Variants in PRKCZ observed in about 807,000 individuals in gnomAD.
PRKCZ encodes protein kinase C zeta type.
Under a neutral mutation model 79.5 loss-of-function variants are expected in PRKCZ, and 33 were observed. The ratio of observed to expected loss-of-function variants is 0.41; its 90% CI spans 0.31 to 0.55. The LOEUF (loss-of-function observed/expected upper bound fraction) is 0.55, where lower values mean the gene tolerates loss of function less well. PRKCZ is among the 20% of genes least tolerant of loss of function. PRKCZ has a pLI of 0.19. For synonymous variants in PRKCZ, 342 were observed against 320.9 expected (o/e 1.07, Z -0.70); for missense variants, 578 against 813.5 (o/e 0.71, Z 3.52).
chr1:2,118,185 CAG>C (rs1671130766), intron 4 of PRKCZ, among the ~76,000 whole-genome samples: 1 of 150,656 alleles, frequency 6.6e-6, no homozygotes, highest in African/African-American at 2.4e-5. Context: ...TTAGTAGAGA[CAG>C]GGTTTCACCA....
chr1:2,172,022 G>GC lies in PRKCZ; in HGVS notation c.1062-32dup, dbSNP rs1194609170. 1 of 1,571,644 alleles carries GC rather than the reference G, an allele frequency of 6.4e-7. No homozygotes were observed. The highest frequency in any genetic ancestry group is 1.2e-5 in the South Asian group (1 of 83,796). ...GCTGTTGGCGCAGCCTCTGGCACAG[G>GC]CACTGCCCCCATGACGGCATCCCCA... On this transcript the variant is annotated intron_variant, in intron 11 of 17. Coordinates refer to ENST00000378567, the MANE Select transcript of PRKCZ (RefSeq NM_002744.6). This position sits in a 1 kb window ranked among gnomAD's most constrained non-coding sequence, Gnocchi z 7.8.
intron 4 of PRKCZ, among the ~76,000 whole-genome samples, chr1:2,100,475 C>A (rs1667251254): frequency 6.6e-6 from 1 of 152,224 alleles, no homozygotes; most frequent in Non-Finnish European, 1.5e-5. Context: ...ATGCTGTGTC[C>A]TCTCCCCGGA....
intron 4 of PRKCZ, among the ~76,000 whole-genome samples, chr1:2,123,240 C>T (rs1403782459): frequency 8.4e-4 from 1 of 1,196 alleles, no homozygotes. Flanking sequence ...AGGGTCGTGG[C>T]GGTGGTTAGG....
Position 2,165,717 on chromosome 1 carries a change from C to T in PRKCZ, c.975-3801C>T, listed in dbSNP as rs886671405. Among the ~76,000 whole-genome samples the T allele has an allele frequency of 6.6e-6, 1 of 152,186 alleles. No homozygotes were observed. The highest frequency in any genetic ancestry group is 6.5e-5 in the Admixed American group (1 of 15,274). ...TCTGTACACACATGGTGGTGGCCCG[C>T]CCGGACCCATCTGGTTAATTCTTGA... On this transcript the variant is annotated intron_variant, in intron 10 of 17. Transcript: ENST00000378567. This position sits in a 1 kb window ranked among gnomAD's most constrained non-coding sequence, Gnocchi z 4.1.
chr1:2,050,689 C>G lies in PRKCZ; in HGVS notation c.59C>G (p.Ala20Gly). 1 of 1,226,130 alleles carries G rather than the reference C, an allele frequency of 8.2e-7. No individual in the cohort carries two copies. The highest frequency in any genetic ancestry group is 1.0e-6 in the Non-Finnish European group (1 of 983,856). 76.0% of individuals were successfully genotyped at this position (1,226,130 alleles called of 1,614,324 possible). A position where few individuals can be genotyped will look rare whatever the true frequency, so the allele number is the denominator to read the frequency against. ...AGCGGCGGCCGCGTCCGCCTCAAGG[C>G]GCATTACGGGGGGTGAGCGGCGGAG... ...EGSGGRVRLK[A>G]HYGGDIFITS... Residue 20 changes from alanine (A) to glycine (G), a missense_variant, in exon 1 of 18, where the codon GCG becomes GGG. By Grantham distance (60) the Ala-to-Gly change is moderately conservative. Around this residue, in one of 4 missense-constraint regions of PRKCZ, gnomAD observed 228 missense variants for 211.6 expected, o/e 1.08. Coordinates refer to ENST00000378567, the MANE Select transcript of PRKCZ (RefSeq NM_002744.6).
chr1:2,102,152 G>C (rs1667544931), intron 4 of PRKCZ, among the ~76,000 whole-genome samples: 2 of 152,156 alleles, frequency 1.3e-5, no homozygotes. Flanking sequence ...CCACATGCCA[G>C]AGCGGGTAGG....
intron 4 of PRKCZ, among the ~76,000 whole-genome samples, chr1:2,102,285 T>C (rs1467563322): frequency 6.6e-6 from 1 of 151,794 alleles, no homozygotes; most frequent in Non-Finnish European, 1.5e-5. Context: ...GTGTGGGCTT[T>C]GTGAAGCCTA....
chr1:2,175,966 A>C (rs548809901), intron 16 of PRKCZ, among the ~76,000 whole-genome samples: 50 of 152,174 alleles, frequency 3.3e-4, no homozygotes, highest in Admixed American at 3.3e-3. Flanking sequence ...CTTTGGTTTC[A>C]TGGCCGGTTT....
In PRKCZ at chr1:2,185,259, G is replaced by C. The variant is rs1687409488; in HGVS notation, c.*250G>C. ...GCCTGCGTCGCGGCGGATCCGCGGG[G>C]ACCCTGCCGAGGGGGCTGTCATGCG... On this transcript the variant is annotated 3_prime_UTR_variant, in exon 18 of 18. Coordinates refer to ENST00000378567, the MANE Select transcript of PRKCZ (RefSeq NM_002744.6). 1.4e-6 allele frequency: 1 copy of C among 714,836 alleles called. No individual in the cohort carries two copies. The highest frequency in any genetic ancestry group is 2.6e-6 in the Non-Finnish European group (1 of 383,272). 44.3% of individuals were successfully genotyped at this position (714,836 alleles called of 1,614,324 possible).
intron 4 of PRKCZ, among the ~76,000 whole-genome samples, chr1:2,062,482 CTTTTTTT>C (rs61178553): frequency 4.5e-5 from 6 of 133,978 alleles, no homozygotes; most frequent in African/African-American, 1.6e-4. Context: ...GCCATCTTAA[CTTTTTTT>C]TTTTTTTTTT....
At chr1:2,048,655 TAGG>T (rs1557458672), upstream of PRKCZ, among the ~76,000 whole-genome samples, 1 of 151,878 alleles carries the variant, frequency 6.6e-6, no homozygotes, top group African/African-American at 2.4e-5. Context: ...AGAGGCTCAT[TAGG>T]AGGATGCCTG....
intron 4 of PRKCZ, among the ~76,000 whole-genome samples, chr1:2,109,621 G>T (rs1432103846): frequency 1.3e-5 from 2 of 152,228 alleles, no homozygotes; most frequent in Admixed American, 1.3e-4. Context: ...ATAGGACATG[G>T]AGAGTCCCGG....
At chr1:2,154,857 G>A (rs1454009743) in intron 9 of PRKCZ, among the ~76,000 whole-genome samples, 1 of 152,222 alleles carries the variant, frequency 6.6e-6, no homozygotes, top group Non-Finnish European at 1.5e-5. Flanking sequence ...GCATGAATTG[G>A]GAGGGTGACA....
intron 16 of PRKCZ, among the ~76,000 whole-genome samples, chr1:2,180,165 G>C (rs1406517781): frequency 6.6e-6 from 1 of 152,210 alleles, no homozygotes; most frequent in African/African-American, 2.4e-5. Flanking sequence ...GCAGTGCCCT[G>C]GCCTGGCCAC....
At chr1:2,062,250 C>T (rs892027361) in intron 4 of PRKCZ, among the ~76,000 whole-genome samples, 4 of 152,250 alleles carry the variant, frequency 2.6e-5, no homozygotes, top group South Asian at 2.1e-4. Flanking sequence ...TGCCCGTCAT[C>T]GGTCACTCCC....
intron 1 of PRKCZ, 83 bp downstream of exon 1, chr1:2,050,784 AG>A: frequency 1.1e-6 from 1 of 916,282 alleles, no homozygotes; most frequent in Non-Finnish European, 1.4e-6. Flanking sequence ...CCTGCGCGAG[AG>A]GGAGAGAGGG....
chr1:2,091,746 C>A (rs888252677), intron 4 of PRKCZ, among the ~76,000 whole-genome samples: 3 of 152,144 alleles, frequency 2.0e-5, no homozygotes, highest in Non-Finnish European at 4.4e-5. Flanking sequence ...TTGACCTGCA[C>A]GCACCGTGTG....
Position 2,128,665 on chromosome 1 carries a change from GTGGCAGGA to G in PRKCZ, c.335-6593_335-6586del, listed in dbSNP as rs1228090298. Among the ~76,000 whole-genome samples the G allele has an allele frequency of 6.6e-6, 1 of 152,162 alleles. No homozygotes were observed. The highest frequency in any genetic ancestry group is 1.5e-5 in the Non-Finnish European group (1 of 68,024). ...TCAGCAGAGCCTGGCACCCAGGGAG[GTGGCAGGA>G]TGGGTCCCCAATGGGCACGTGACAT... On this transcript the variant is annotated intron_variant, in intron 4 of 17. Coordinates refer to ENST00000378567, the MANE Select transcript of PRKCZ (RefSeq NM_002744.6). The surrounding 1 kb of genome is among the most constrained non-coding windows in gnomAD (Gnocchi z 6.5).
At position 2,126,679 on chromosome 1, in the gene PRKCZ, G is replaced by A. The variant is rs577017271; in HGVS notation, c.335-8583G>A. On this transcript the variant is annotated intron_variant, in intron 4 of 17. Coordinates refer to ENST00000378567, the MANE Select transcript of PRKCZ (RefSeq NM_002744.6). Reference sequence around the variant, plus strand: ...CTGGATGCAGCGGCCACAGCCTGTGGTTGGGGAATGGCATTGCGCAGCTCC... The same window carrying A: ...CTGGATGCAGCGGCCACAGCCTGTGATTGGGGAATGGCATTGCGCAGCTCC... 3.9e-5 allele frequency among the ~76,000 whole-genome samples: 6 copies of A among 152,358 alleles called. No individual in the cohort carries two copies. In the South Asian group the frequency reaches 1.2e-3, roughly 32 times the overall value.
Sources: allele counts gnomAD v4.1 joint callset (sites outside exome capture counted in the v4.1 genomes callset), GRCh38; gene constraint gnomAD v4.1.1; regional missense constraint gnomAD v4.1.1; non-coding constraint Gnocchi (gnomAD v3.1); transcripts MANE v1.5; gene names NCBI Gene and HGNC (gene_info 2026-07-23, HGNC 2026-07-21).